The following PERP variants were observed in gnomAD, a reference collection of about 807,000 sequenced individuals.
The protein encoded by PERP is p53 apoptosis effector related to PMP-22.
In PERP, 11 loss-of-function variants were observed where a neutral mutation model predicts 20.3. The observed-to-expected ratio is 0.54, with a 90% confidence interval of 0.34 to 0.90. The LOEUF (loss-of-function observed/expected upper bound fraction) is 0.90, where lower values mean the gene tolerates loss of function less well. Among genes scored for constraint, PERP ranks in the 40% least tolerant of loss-of-function variants. PERP has a pLI of 0.02. For synonymous variants in PERP, 101 were observed against 102.0 expected (o/e 0.99, Z 0.06); for missense variants, 224 against 249.4 (o/e 0.90, Z 0.69).
At chr6:138,101,327 G>A (rs1265945103) in intron 1 of PERP, among the ~76,000 whole-genome samples, 4 of 152,174 alleles carry the variant, frequency 2.6e-5, no homozygotes, top group African/African-American at 7.2e-5. Flanking sequence ...CCAAGATTGC[G>A]CCACTGCACT....
chr6:138,097,763 T>C (rs1775717572), intron 1 of PERP, among the ~76,000 whole-genome samples: 1 of 152,232 alleles, frequency 6.6e-6, no homozygotes, highest in South Asian at 2.1e-4. Context: ...ATTTACACAC[T>C]ATAAAGTTCG....
At chr6:138,106,110 G>T (rs1562326350) in intron 1 of PERP, among the ~76,000 whole-genome samples, 2 of 152,186 alleles carry the variant, frequency 1.3e-5, no homozygotes, top group African/African-American at 4.8e-5. Context: ...CAAGTCAATG[G>T]TAATAGTAAG....
chr6:138,102,646 G>A (rs1775791103), intron 1 of PERP, among the ~76,000 whole-genome samples: 1 of 152,134 alleles, frequency 6.6e-6, no homozygotes, highest in African/African-American at 2.4e-5. Context: ...GCTGAGTGAG[G>A]CACATGTGGA....
chr6:138,100,832 T>G (rs1775760232), intron 1 of PERP, among the ~76,000 whole-genome samples: 1 of 152,208 alleles, frequency 6.6e-6, no homozygotes, highest in South Asian at 2.1e-4. Context: ...ATTCATTAGA[T>G]GAACAACAGC....
At chr6:138,102,153 T>C (rs1239019213) in intron 1 of PERP, among the ~76,000 whole-genome samples, 1 of 152,250 alleles carries the variant, frequency 6.6e-6, no homozygotes, top group Admixed American at 6.5e-5. Context: ...TGAGATTCTT[T>C]ACATGCTCTG....
chr6:138,101,171 C>A (rs1261562321), intron 1 of PERP, among the ~76,000 whole-genome samples: 1 of 152,158 alleles, frequency 6.6e-6, no homozygotes, highest in Non-Finnish European at 1.5e-5. Context: ...GAGTTCGAGA[C>A]CAGCCTGGCC....
Position 138,091,955 on chromosome 6 carries a change from A to C in PERP, c.*87T>G. ...TTTAATAATATGAACACTGCCAAAA[A>C]ATGGGTTCAAAGTCGCCTGGAGAAA... On this transcript the variant is annotated 3_prime_UTR_variant, in exon 3 of 3. Transcript: ENST00000421351. The C allele has an allele frequency of 8.0e-7, 1 of 1,251,928 alleles. No individual in the cohort carries two copies. 77.6% of individuals were successfully genotyped at this position (1,251,928 alleles called of 1,614,324 possible). A position where few individuals can be genotyped will look rare whatever the true frequency, so the allele number is the denominator to read the frequency against.
rs770309087 is a variant in PERP at position 138,107,111 on chromosome 6, G to A, written c.214+16C>T. The stretch of plus-strand genomic sequence containing the variant: ...GCTTCCTGGAGGCGGCGACGGCGGC[G>A]GCGGCGGGCACTCACCGTACTCCAT... On this transcript the variant is annotated intron_variant, in intron 1 of 2. Transcript: ENST00000421351. The surrounding 1 kb of genome is among the most constrained non-coding windows in gnomAD (Gnocchi z 4.8). The A allele has an allele frequency of 1.9e-6, 3 of 1,576,364 alleles. No homozygotes were observed. The highest frequency in any genetic ancestry group is 2.6e-6 in the Non-Finnish European group (3 of 1,162,634).
At chr6:138,099,550 C>A (rs562942967) in intron 1 of PERP, among the ~76,000 whole-genome samples, 1 of 152,102 alleles carries the variant, frequency 6.6e-6, no homozygotes, top group South Asian at 2.1e-4. Flanking sequence ...ACAGGCAAAA[C>A]CTCCTAACAA....
At position 138,090,272 on chromosome 6, in the gene PERP, C is replaced by T. The variant is rs1775556615; in HGVS notation, c.*1770G>A. The T allele has an allele frequency of 6.6e-6, 1 of 152,150 alleles. No homozygotes were observed. Among genetic ancestry groups the T allele is most frequent in the Admixed American group, 6.5e-5 (1 of 15,268 alleles). The allele number at this position is 152,150 out of a possible 1,614,324, so 9.4% of individuals were successfully genotyped here. Reference sequence around the variant, plus strand: ...CCCTAGGGAGATATATTTCCGTTCTCCCACCCAGCCTCTCTGCACCCATCC... The same window carrying T: ...CCCTAGGGAGATATATTTCCGTTCTTCCACCCAGCCTCTCTGCACCCATCC... On this transcript the variant is annotated 3_prime_UTR_variant, in exon 3 of 3. Transcript: ENST00000421351.
rs189216654 is a variant in PERP, at chr6:138,091,398, C to T, written c.*644G>A. 3.3e-4 allele frequency: 51 copies of T among 152,296 alleles called. No homozygotes were observed. The highest frequency in any genetic ancestry group is 1.2e-3 in the African/African-American group (51 of 41,560). The allele number at this position is 152,296 out of a possible 1,614,324, so 9.4% of individuals were successfully genotyped here. A position where few individuals can be genotyped will look rare whatever the true frequency, so the allele number is the denominator to read the frequency against. On this transcript the variant is annotated 3_prime_UTR_variant, in exon 3 of 3. Transcript: ENST00000421351. ...ATTTCACACTTAAAGGAAAGCCTTA[C>T]CAACTATGGCAACAGGTTTGGACCA... is the stretch of plus-strand genomic sequence containing the variant.
At chr6:138,103,891 T>C (rs537615771) in intron 1 of PERP, among the ~76,000 whole-genome samples, 1 of 152,338 alleles carries the variant, frequency 6.6e-6, no homozygotes, top group South Asian at 2.1e-4. Flanking sequence ...CGATTTCATG[T>C]TAAAAACAAA....
chr6:138,099,287 G>A (rs1775739566), intron 1 of PERP, among the ~76,000 whole-genome samples: 1 of 152,152 alleles, frequency 6.6e-6, no homozygotes. Context: ...TACCAAAAAG[G>A]ATCATATAAC....
intron 1 of PERP, among the ~76,000 whole-genome samples, chr6:138,103,140 A>C (rs1775799316): frequency 6.6e-6 from 1 of 151,512 alleles, no homozygotes; most frequent in Non-Finnish European, 1.5e-5. Context: ...CTAATTTCAT[A>C]AATTAGGTAC....
In PERP at chr6:138,091,882, C is replaced by G; in HGVS notation, c.*160G>C. 1.6e-6 allele frequency: 1 copy of G among 619,552 alleles called. No homozygotes were observed. The highest frequency in any genetic ancestry group is 2.1e-5 in the South Asian group (1 of 46,586). The allele number at this position is 619,552 out of a possible 1,614,324, so 38.4% of individuals were successfully genotyped here. A position where few individuals can be genotyped will look rare whatever the true frequency, so the allele number is the denominator to read the frequency against. On this transcript the variant is annotated 3_prime_UTR_variant, in exon 3 of 3. Transcript: ENST00000421351. ...AAAAGATAAACATGAAACTATAACA[C>G]TACTTAAAAAATATTTTCTCCCAAA... is the stretch of plus-strand genomic sequence containing the variant.
chr6:138,093,244 C>A (rs1235307459), intron 2 of PERP, among the ~76,000 whole-genome samples: 1 of 152,198 alleles, frequency 6.6e-6, no homozygotes. Context: ...ACACTACTCT[C>A]CACAAGGAGG....
chr6:138,096,088 A>G (rs1775685715), intron 2 of PERP, among the ~76,000 whole-genome samples: 1 of 152,116 alleles, frequency 6.6e-6, no homozygotes, highest in Non-Finnish European at 1.5e-5. Context: ...GAGTCAGTGG[A>G]TAGGGCCCCC....
chr6:138,100,147 G>C (rs547476054), intron 1 of PERP, among the ~76,000 whole-genome samples: 1 of 152,284 alleles, frequency 6.6e-6, no homozygotes, highest in African/African-American at 2.4e-5. Context: ...ACCATACCAG[G>C]TCTGAGCAGG....
chr6:138,103,180 C>T (rs112334777), intron 1 of PERP, among the ~76,000 whole-genome samples: 1 of 151,778 alleles, frequency 6.6e-6, no homozygotes, highest in Non-Finnish European at 1.5e-5. Context: ...GACTGAGTCT[C>T]GCTCTGTCAC....
Sources: gnomAD v4.1 joint callset for allele counts (sites outside exome capture counted in the v4.1 genomes callset) on GRCh38, gnomAD v4.1.1 for gene constraint, Gnocchi (gnomAD v3.1) non-coding constraint, MANE v1.5 for transcripts, NCBI Gene and HGNC (gene_info 2026-07-23, HGNC 2026-07-21) for gene names.